QSOX1: variants seen among roughly 807,000 people sequenced by gnomAD.
The protein encoded by QSOX1 is sulfhydryl oxidase 1.
QSOX1 carries 40 observed loss-of-function variants against 76.1 expected under a neutral mutation model. The observed-to-expected ratio is 0.53, with a 90% confidence interval of 0.41 to 0.68. QSOX1 has a LOEUF of 0.68. Ranked by LOEUF, QSOX1 falls within the 30% of genes least tolerant of loss-of-function variation. QSOX1 has a pLI of 0.00. For synonymous variants in QSOX1, 392 were observed against 413.1 expected, an observed-to-expected ratio of 0.95 and a Z score of 0.62; for missense variants, 931 against 974.3, an observed-to-expected ratio of 0.96 and a Z score of 0.59.
At chr1:180,187,283 A>C (rs1344470726) in intron 8 of QSOX1, among the ~76,000 whole-genome samples, 1 of 152,232 alleles carries the variant, frequency 6.6e-6, no homozygotes, top group Non-Finnish European at 1.5e-5. Flanking sequence ...ATGCAAAATG[A>C]GCCCTTGTTC....
At chr1:180,155,732 G>A (rs1662362543) in intron 1 of QSOX1, among the ~76,000 whole-genome samples, 2 of 152,164 alleles carry the variant, frequency 1.3e-5, no homozygotes, top group African/African-American at 2.4e-5. Context: ...TTTGATGTGG[G>A]TATGTCCACC....
chr1:180,180,284 C>T (rs945438181), intron 5 of QSOX1, among the ~76,000 whole-genome samples: 2 of 152,222 alleles, frequency 1.3e-5, no homozygotes, highest in African/African-American at 2.4e-5. Flanking sequence ...TGTCTTGGCT[C>T]GCTGCAACCT....
intron 4 of QSOX1, among the ~76,000 whole-genome samples, chr1:180,176,979 T>C (rs1053190766): frequency 1.3e-5 from 2 of 152,222 alleles, no homozygotes; most frequent in Admixed American, 6.5e-5. Flanking sequence ...CTTTGTCATC[T>C]TTCCCAATTT....
intron 1 of QSOX1, among the ~76,000 whole-genome samples, chr1:180,164,825 C>G (rs1662574614): frequency 6.6e-6 from 1 of 152,198 alleles, no homozygotes; most frequent in African/African-American, 2.4e-5. Flanking sequence ...GTTTAATTGG[C>G]TCAGGGTTCT....
At chr1:180,185,253 C>T (rs1253524825) in intron 7 of QSOX1, among the ~76,000 whole-genome samples, 1 of 152,192 alleles carries the variant, frequency 6.6e-6, no homozygotes, top group Non-Finnish European at 1.5e-5. Flanking sequence ...ATGTGTTTTA[C>T]AGGTGAGCTG....
rs777586068 is a variant in QSOX1 at position 180,155,136 on chromosome 1, G to A, written c.229G>A (p.Ala77Thr). ...CTGGTGCGGCCACTGCATCGCCTTCGCCCCGACGTGGAAGGCGCTGGCCGA... is the reference window on the plus strand; with the variant it reads ...CTGGTGCGGCCACTGCATCGCCTTCACCCCGACGTGGAAGGCGCTGGCCGA... ...ASWCGHCIAF[A>T]PTWKALAEDV... Residue 77 changes from alanine (A) to threonine (T), a missense_variant, in exon 1 of 12, where the codon GCC becomes ACC. By Grantham distance (58) the Ala-to-Thr change is moderately conservative. Transcript: ENST00000367602. 43 of 1,520,426 alleles carry A rather than the reference G, an allele frequency of 2.8e-5. No homozygotes were observed. The highest frequency in any genetic ancestry group is 2.7e-5 in the East Asian group (1 of 37,606). The allele number at this position is 1,520,426 out of a possible 1,614,324, so 94.2% of individuals were successfully genotyped here.
chr1:180,179,866 G>A (rs982289871), intron 5 of QSOX1, among the ~76,000 whole-genome samples: 1 of 152,252 alleles, frequency 6.6e-6, no homozygotes, highest in Admixed American at 6.5e-5. Context: ...AAGACAGCTT[G>A]GCTTAAGGAG....
intron 1 of QSOX1, 36 bp from the exon 2 acceptor site, chr1:180,166,455 C>T (rs1361363186): frequency 6.4e-7 from 1 of 1,555,456 alleles, no homozygotes; most frequent in Admixed American, 1.7e-5. Flanking sequence ...GGGTACCAGC[C>T]CCTCTTATTT....
At chr1:180,155,570 C>T (rs1395926326) in intron 1 of QSOX1, among the ~76,000 whole-genome samples, 1 of 152,202 alleles carries the variant, frequency 6.6e-6, no homozygotes, top group Non-Finnish European at 1.5e-5. Flanking sequence ...CGTCCAGGGA[C>T]CCATGTCATC....
At chr1:180,177,262 T>G (rs946552159) in intron 4 of QSOX1, among the ~76,000 whole-genome samples, 2 of 151,638 alleles carry the variant, frequency 1.3e-5, no homozygotes, top group Non-Finnish European at 2.9e-5. Flanking sequence ...TTTTTTTTTT[T>G]TTTTTTGGAA....
At chr1:180,166,689 C>A in intron 2 of QSOX1, 98 bp downstream of exon 2, 1 of 1,208,360 alleles carries the variant, frequency 8.3e-7, no homozygotes, top group Non-Finnish European at 1.2e-6. Context: ...GGGCAGATTT[C>A]AGCTGCTCTG....
rs115383318 is a variant in QSOX1 at position 180,196,785 on chromosome 1, C to A, written c.1992C>A (p.Gly664=). 1 of 1,614,092 alleles carries A rather than the reference C, an allele frequency of 6.2e-7. No homozygotes were observed. Among genetic ancestry groups the A allele is most frequent in the Admixed American group, 1.7e-5 (1 of 60,024 alleles). ...ESRAEKNRLW[G]PLEVRRVGRS... ...GGGCTGAGAAGAACCGCCTCTGGGG[C>A]CCTTTGGAGGTCAGGCGCGTGGGCC... Residue 664 remains glycine, a synonymous_variant, in exon 12 of 12, where the codon GGC becomes GGA. Transcript: ENST00000367602. The surrounding 1 kb of genome is among the most constrained non-coding windows in gnomAD (Gnocchi z 4.1).
rs1662770446 is a variant in QSOX1 at position 180,172,034 on chromosome 1, T to C, written c.367-3287T>C. Among the ~76,000 whole-genome samples, 4 of 152,036 alleles carry C rather than the reference T, an allele frequency of 2.6e-5. No homozygotes were observed. The South Asian group carries it at 8.3e-4, about 32-fold the overall frequency. The stretch of plus-strand genomic sequence containing the variant: ...CGGCTTCAACTGAGGGTTGTGGGGA[T>C]GGCCAGAGAGCAGTCTGAGGAGCAA... On this transcript the variant is annotated intron_variant, in intron 2 of 11. Transcript: ENST00000367602.
chr1:180,154,880 G>C lies in QSOX1; in HGVS notation c.-28G>C. 2.9e-6 allele frequency: 4 copies of C among 1,377,434 alleles called. No homozygotes were observed. In the African/African-American group the frequency reaches 6.1e-5, roughly 21 times the overall value. 85.3% of individuals were successfully genotyped at this position (1,377,434 alleles called of 1,614,324 possible). A position where few individuals can be genotyped will look rare whatever the true frequency, so the allele number is the denominator to read the frequency against. ...CCGGGACCCGACTCATCCGGTGCTTGCGTGTGGTGGTGAGCGCAGCGCCGA... is the reference window on the plus strand; with the variant it reads ...CCGGGACCCGACTCATCCGGTGCTTCCGTGTGGTGGTGAGCGCAGCGCCGA... On this transcript the variant is annotated 5_prime_UTR_variant, in exon 1 of 12. Transcript: ENST00000367602.
intron 8 of QSOX1, among the ~76,000 whole-genome samples, chr1:180,188,726 A>G (rs568633619): frequency 2.0e-4 from 30 of 152,222 alleles, no homozygotes; most frequent in African/African-American, 7.0e-4. Context: ...TTCTCCTCTC[A>G]AATGTTTGTC....
chr1:180,186,158 A>G lies in QSOX1; in HGVS notation c.993A>G (p.Lys331=). 1.2e-6 allele frequency: 2 copies of G among 1,613,824 alleles called. No individual in the cohort carries two copies. The highest frequency in any genetic ancestry group is 1.7e-6 in the Non-Finnish European group (2 of 1,179,902). The change falls in exon 8 of 12, where the codon AAA becomes AAG. Residue 331 remains lysine, a synonymous_variant. Transcript: ENST00000367602. ...AAGGGCAGCGCCTGGTGGCCCTGAAAAAGTTTGTGGCAGTGCTGGCCAAGG... is the reference window on the plus strand; with the variant it reads ...AAGGGCAGCGCCTGGTGGCCCTGAAGAAGTTTGTGGCAGTGCTGGCCAAGG... ...VLEGQRLVAL[K]KFVAVLAKYF...
At chr1:180,173,638 C>T (rs1458426532) in intron 2 of QSOX1, among the ~76,000 whole-genome samples, 1 of 152,098 alleles carries the variant, frequency 6.6e-6, no homozygotes, top group East Asian at 1.9e-4. Context: ...GCCTTTGTTC[C>T]TCATGTGGGA....
At position 180,175,224 on chromosome 1, in the gene QSOX1, C is replaced by G; in HGVS notation, c.367-97C>G. 3 of 1,090,530 alleles carry G rather than the reference C, an allele frequency of 2.8e-6. No individual in the cohort carries two copies. In the Admixed American group the frequency reaches 5.1e-5, roughly 19 times the overall value. 67.6% of individuals were successfully genotyped at this position (1,090,530 alleles called of 1,614,324 possible). A position where few individuals can be genotyped will look rare whatever the true frequency, so the allele number is the denominator to read the frequency against. ...AACATTAAGTGATTTGCCCAGCCACCGCATTGAATAAGTAGGCAGATTTTC... is the reference window on the plus strand; with the variant it reads ...AACATTAAGTGATTTGCCCAGCCACGGCATTGAATAAGTAGGCAGATTTTC... On this transcript the variant is annotated intron_variant, in intron 2 of 11. Coordinates refer to ENST00000367602, the MANE Select transcript of QSOX1 (RefSeq NM_002826.5).
chr1:180,196,970 C>G lies in QSOX1; in HGVS notation c.2177C>G (p.Ala726Gly). 1 of 1,611,856 alleles carries G rather than the reference C, an allele frequency of 6.2e-7. No homozygotes were observed. Among genetic ancestry groups the G allele is most frequent in the African/African-American group, 1.3e-5 (1 of 75,014 alleles). ...TCCCTGTCCTTCATGGGCCTGCTGGCCATGTACACCTACTTCCAGGCCAAG... is the reference window on the plus strand; with the variant it reads ...TCCCTGTCCTTCATGGGCCTGCTGGGCATGTACACCTACTTCCAGGCCAAG... ...LYSLSFMGLLAMYTYFQAKIR... is the reference protein window; with the variant it reads ...LYSLSFMGLLGMYTYFQAKIR... The change falls in exon 12 of 12, where the codon GCC becomes GGC. Residue 726 changes from alanine (A) to glycine (G), a missense_variant. Coordinates refer to ENST00000367602, the MANE Select transcript of QSOX1 (RefSeq NM_002826.5). This position sits in a 1 kb window ranked among gnomAD's most constrained non-coding sequence, Gnocchi z 4.1.
Sources: allele counts gnomAD v4.1 joint callset (sites outside exome capture counted in the v4.1 genomes callset), GRCh38; gene constraint gnomAD v4.1.1; non-coding constraint Gnocchi (gnomAD v3.1); transcripts MANE v1.5; gene names NCBI Gene and HGNC (gene_info 2026-07-23, HGNC 2026-07-21).